WWOX: variants seen among roughly 807,000 people sequenced by gnomAD.
WWOX encodes WW domain-containing oxidoreductase.
WWOX carries 69 observed loss-of-function variants against 46.2 expected under a neutral mutation model. The observed-to-expected ratio is 1.49, with a 90% CI of 1.23 to 1.82. WWOX has a LOEUF of 1.82. Among genes scored for constraint, WWOX ranks in the 40% most tolerant of loss-of-function variants. The pLI is 0.00. For synonymous variants in WWOX, 359 were observed against 202.6 expected, an observed-to-expected ratio of 1.77 and a Z score of -6.56; for missense variants, 919 against 542.6, an observed-to-expected ratio of 1.69 and a Z score of -6.89.
chr16:78,306,655 AC>A, intron 5 of WWOX, among the ~76,000 whole-genome samples: 1 of 151,130 alleles, frequency 6.6e-6, no homozygotes, highest in Non-Finnish European at 1.5e-5. Context: ...CACAATTCCC[AC>A]CCCATGCCTT....
Position 78,454,541 on chromosome 16 carries a change from T to A in WWOX, c.1056+21789T>A, listed in dbSNP as rs150428857. ...TGTTTTTGAGACAGAATTTCACTTT[T>A]GTTGCCCAGGCTGCAGTGCAATGGC... On this transcript the variant is annotated intron_variant, in intron 8 of 8. Transcript: ENST00000566780. Among the ~76,000 whole-genome samples, 165 of 152,298 alleles carry A rather than the reference T, an allele frequency of 1.1e-3. No individual in the cohort carries two copies. The East Asian group carries it at 0.024, about 22-fold the overall frequency.
At chr16:78,434,615 A>G (rs886956582) in intron 8 of WWOX, among the ~76,000 whole-genome samples, 2 of 152,150 alleles carry the variant, frequency 1.3e-5, no homozygotes, top group African/African-American at 2.4e-5. Flanking sequence ...TTGGGTCTTG[A>G]GTCATCTCAC....
intron 8 of WWOX, among the ~76,000 whole-genome samples, chr16:79,135,214 C>A (rs994574794): frequency 2.6e-5 from 4 of 152,104 alleles, no homozygotes; most frequent in South Asian, 2.1e-4. Flanking sequence ...TATTTTTGAT[C>A]CATACACGTA....
intron 8 of WWOX, among the ~76,000 whole-genome samples, chr16:78,645,742 A>G (rs561314841): frequency 1.4e-4 from 22 of 152,264 alleles, no homozygotes; most frequent in African/African-American, 4.6e-4. Flanking sequence ...CACGGCCTCC[A>G]ACATTGGAGA....
intron 8 of WWOX, among the ~76,000 whole-genome samples, chr16:78,693,864 A>G (rs1320286008): frequency 1.3e-5 from 2 of 152,084 alleles, no homozygotes; most frequent in Non-Finnish European, 2.9e-5. Context: ...CTCTTTTCCC[A>G]CTGAAGTTGT....
chr16:78,289,338 T>A (rs1438619802), intron 5 of WWOX, among the ~76,000 whole-genome samples: 2 of 152,190 alleles, frequency 1.3e-5, no homozygotes, highest in Non-Finnish European at 2.9e-5. Context: ...AGAAGGCATG[T>A]CCTAGAGTGG....
intron 5 of WWOX, among the ~76,000 whole-genome samples, chr16:78,304,307 A>G (rs545420183): frequency 6.6e-6 from 1 of 152,274 alleles, no homozygotes; most frequent in South Asian, 2.1e-4. Context: ...TTTTTTGTAA[A>G]ATTTTAATTA....
At chr16:78,361,063 T>A (rs1008373852) in intron 5 of WWOX, among the ~76,000 whole-genome samples, 1 of 152,172 alleles carries the variant, frequency 6.6e-6, no homozygotes, top group Non-Finnish European at 1.5e-5. Flanking sequence ...GCTCAAGAAA[T>A]CTGCTTACCT....
rs938259651 is a variant in WWOX, at chr16:78,855,114, C to A, written c.1057-356494C>A. 7.9e-5 allele frequency among the ~76,000 whole-genome samples: 12 copies of A among 152,224 alleles called. No homozygotes were observed. In the South Asian group the frequency reaches 2.5e-3, roughly 32 times the overall value. On this transcript the variant is annotated intron_variant, in intron 8 of 8. Coordinates refer to ENST00000566780, the MANE Select transcript of WWOX (RefSeq NM_016373.4). ...CCCCCAATTATTACCTTTGTTTTTACAAGTGTGTTTAAATCTCTTTCTGTT... is the reference window on the plus strand; with the variant it reads ...CCCCCAATTATTACCTTTGTTTTTAAAAGTGTGTTTAAATCTCTTTCTGTT...
intron 8 of WWOX, among the ~76,000 whole-genome samples, chr16:78,776,115 A>T (rs2050183810): frequency 6.6e-6 from 1 of 152,220 alleles, no homozygotes; most frequent in Admixed American, 6.5e-5. Flanking sequence ...AGATACTGGG[A>T]AGTAAAAGGG....
chr16:79,205,415 C>T (rs1053480907), intron 8 of WWOX: 1 of 152,178 alleles, frequency 6.6e-6, no homozygotes, highest in African/African-American at 2.4e-5. Flanking sequence ...AAATATTTTT[C>T]CTTGTGGCAA....
At chr16:78,797,358 T>TAAAAAAAAAAAAAAAA (rs57291441) in intron 8 of WWOX, among the ~76,000 whole-genome samples, 2 of 116,644 alleles carry the variant, frequency 1.7e-5, no homozygotes, top group African/African-American at 7.6e-5. Flanking sequence ...GTCAAAGTGG[T>TAAAAAAAAAAAAAAAA]AAAAAAAAAA....
intron 4 of WWOX, among the ~76,000 whole-genome samples, chr16:78,133,347 A>G (rs987662130): frequency 8.5e-5 from 13 of 152,114 alleles, no homozygotes; most frequent in African/African-American, 3.1e-4. Context: ...TGCAAGGTCC[A>G]CCTCCTGGGT....
Position 79,211,865 on chromosome 16 carries a change from G to C in WWOX, c.*69G>C. ...GTCCCCTCACGCAAGTGCCAGGGCT[G>C]GGCCCCTTCCAAATGTCCCTCCAAC... On this transcript the variant is annotated 3_prime_UTR_variant, in exon 9 of 9. Transcript: ENST00000566780. 2 of 1,599,618 alleles carry C rather than the reference G, an allele frequency of 1.3e-6. No individual in the cohort carries two copies. The highest frequency in any genetic ancestry group is 1.7e-6 in the Non-Finnish European group (2 of 1,174,250).
intron 8 of WWOX, among the ~76,000 whole-genome samples, chr16:78,661,313 T>C (rs1482807695): frequency 6.6e-6 from 1 of 152,152 alleles, no homozygotes; most frequent in Non-Finnish European, 1.5e-5. Context: ...CAGCACGCCA[T>C]TTTTTAAAAT....
intron 8 of WWOX, among the ~76,000 whole-genome samples, chr16:78,639,032 C>G (rs1018311363): frequency 1.3e-5 from 2 of 152,074 alleles, no homozygotes. Flanking sequence ...ATCTTTTACC[C>G]GTCTTATGGG....
At chr16:79,145,199 A>G (rs1480740440) in intron 8 of WWOX, among the ~76,000 whole-genome samples, 5 of 152,204 alleles carry the variant, frequency 3.3e-5, no homozygotes, top group Non-Finnish European at 7.3e-5. Flanking sequence ...AGTGTAATTT[A>G]TTACAGCAAC....
At chr16:78,635,600 T>C (rs2046548168) in intron 8 of WWOX, among the ~76,000 whole-genome samples, 1 of 152,154 alleles carries the variant, frequency 6.6e-6, no homozygotes, top group Non-Finnish European at 1.5e-5. Flanking sequence ...AGATGTTGGT[T>C]ATTTCTTTAT....
At chr16:78,473,310 A>G (rs1187106629) in intron 8 of WWOX, among the ~76,000 whole-genome samples, 5 of 152,104 alleles carry the variant, frequency 3.3e-5, no homozygotes, top group Non-Finnish European at 7.4e-5. Flanking sequence ...TTGTAGTTTT[A>G]GTGGAGACAG....
Sources: gnomAD v4.1 joint callset for allele counts (sites outside exome capture counted in the v4.1 genomes callset) on GRCh38, gnomAD v4.1.1 for gene constraint, MANE v1.5 for transcripts, NCBI Gene and HGNC (gene_info 2026-07-23, HGNC 2026-07-21) for gene names.